The following NARF variants were observed in gnomAD, a reference collection of about 807,000 sequenced individuals.
The protein encoded by NARF is iron-only hydrogenase-like protein 2.
In NARF, 41 loss-of-function variants were observed where a neutral mutation model predicts 48.0. The observed-to-expected ratio is 0.85, with a 90% CI of 0.66 to 1.11. The LOEUF (loss-of-function observed/expected upper bound fraction) is 1.11. Ranked by LOEUF, NARF falls within the 50% of genes least tolerant of loss-of-function variation. NARF has a pLI of 0.00. For missense variants in NARF, 613 were observed against 590.2 expected (o/e 1.04, Z -0.40); for synonymous variants, 215 against 225.5 (o/e 0.95, Z 0.42).
At chr17:82,458,439 T>G, upstream of NARF, 1 of 234,180 alleles carries the variant, frequency 4.3e-6, no homozygotes, top group Non-Finnish European at 8.3e-6. Flanking sequence ...GAACGCCGCT[T>G]GGCCGCCGCC....
At chr17:82,472,887 C>G (rs1352698632) in intron 5 of NARF, among the ~76,000 whole-genome samples, 189 bp downstream of exon 5, 2 of 152,116 alleles carry the variant, frequency 1.3e-5, no homozygotes, top group Admixed American at 1.3e-4. Context: ...AGTTTTTCAT[C>G]AGAGGTGCCA....
intron 5 of NARF, among the ~76,000 whole-genome samples, chr17:82,475,559 C>T (rs773472660): frequency 5.9e-5 from 9 of 152,186 alleles, no homozygotes; most frequent in East Asian, 3.9e-4. Flanking sequence ...ATTGCACCAC[C>T]GCACTCCAGC....
In NARF at chr17:82,468,607, T is replaced by C. The variant is rs1176370197; in HGVS notation, c.253-157T>C. 1.4e-5 allele frequency: 10 copies of C among 696,234 alleles called. No homozygotes were observed. The Middle Eastern group carries it at 8.5e-4, about 59-fold the overall frequency. 43.1% of individuals were successfully genotyped at this position (696,234 alleles called of 1,614,324 possible). A position where few individuals can be genotyped will look rare whatever the true frequency, so the allele number is the denominator to read the frequency against. ...ACCTCACCATAATCCTGATTTTTTT[T>C]CTCCTTTTTCTTAATTATGTTTGCC... is the stretch of plus-strand genomic sequence containing the variant. On this transcript the variant is annotated intron_variant, in intron 3 of 10. Coordinates refer to ENST00000309794, the MANE Select transcript of NARF (RefSeq NM_012336.4).
intron 4 of NARF, among the ~76,000 whole-genome samples, chr17:82,471,061 G>A (rs1489344605): frequency 2.6e-5 from 4 of 151,856 alleles, no homozygotes; most frequent in Non-Finnish European, 5.9e-5. Context: ...TACTCGGGAG[G>A]CTGAGGCACA....
intron 3 of NARF, 31 bp downstream of exon 3, chr17:82,464,461 G>C: frequency 6.3e-7 from 1 of 1,592,520 alleles, no homozygotes; most frequent in East Asian, 2.2e-5. Flanking sequence ...GCTGATGCTG[G>C]GGAGCTGACC....
chr17:82,467,302 C>A (rs568690597), intron 3 of NARF, among the ~76,000 whole-genome samples: 26 of 152,282 alleles, frequency 1.7e-4, no homozygotes, highest in Admixed American at 5.2e-4. Context: ...CAGCCCCGGC[C>A]TCCCAAAGTG....
chr17:82,472,805 G>C (rs1254088544), intron 5 of NARF, 107 bp downstream of exon 5: 18 of 1,363,628 alleles, frequency 1.3e-5, no homozygotes, highest in Non-Finnish European at 1.7e-5. Context: ...ATCCCACCCA[G>C]CCTTGTAGAC....
intron 5 of NARF, 84 bp downstream of exon 5, chr17:82,472,782 G>A (rs2043743091): frequency 2.7e-6 from 4 of 1,506,796 alleles, no homozygotes; most frequent in Non-Finnish European, 2.7e-6. Context: ...TGAGGTTGGA[G>A]GCAGACAGAC....
At chr17:82,474,244 A>G (rs1301006558) in intron 5 of NARF, among the ~76,000 whole-genome samples, 2 of 152,202 alleles carry the variant, frequency 1.3e-5, no homozygotes, top group African/African-American at 4.8e-5. Flanking sequence ...ATTATGGAAT[A>G]ATATGGCAAA....
intron 5 of NARF, among the ~76,000 whole-genome samples, chr17:82,475,863 C>T (rs938202461): frequency 2.0e-5 from 3 of 152,148 alleles, no homozygotes; most frequent in African/African-American, 7.2e-5. Flanking sequence ...AAGGTTCCAT[C>T]CCAGTAGGAC....
chr17:82,480,432 TC>T, intron 6 of NARF: 1 of 402,168 alleles, frequency 2.5e-6, no homozygotes, highest in Non-Finnish European at 4.4e-6. Context: ...GGCTCAGCCT[TC>T]CCGGTTCTTC....
In NARF at chr17:82,490,401, A is replaced by G. The variant is rs1206637171; in HGVS notation, c.*2244A>G. 1 of 152,326 alleles carries G rather than the reference A, an allele frequency of 6.6e-6. No individual in the cohort carries two copies. Among genetic ancestry groups the G allele is most frequent in the Non-Finnish European group, 1.5e-5 (1 of 68,098 alleles). The allele number at this position is 152,326 out of a possible 1,614,324, so 9.4% of individuals were successfully genotyped here. On this transcript the variant is annotated 3_prime_UTR_variant, in exon 11 of 11. Coordinates refer to ENST00000309794, the MANE Select transcript of NARF (RefSeq NM_012336.4). ...TGCCTGTGCACCTGTCTTGTCAATA[A>G]CTGCATATATTGTGTTGCGTTGCCT...
upstream of NARF, chr17:82,458,326 C>T (rs2043335205): frequency 6.5e-6 from 1 of 154,326 alleles, no homozygotes; most frequent in African/African-American, 2.4e-5. Flanking sequence ...CCGCGGCCTC[C>T]GCGGGCCCAG....
At chr17:82,464,626 C>T (rs2043518726) in intron 3 of NARF, among the ~76,000 whole-genome samples, 196 bp downstream of exon 3, 1 of 152,194 alleles carries the variant, frequency 6.6e-6, no homozygotes. Flanking sequence ...TTTCCTGCTC[C>T]CTTAATAATG....
chr17:82,481,142 G>A lies in NARF; in HGVS notation c.700G>A (p.Glu234Lys), dbSNP rs1390806067. 3.1e-6 allele frequency: 5 copies of A among 1,613,954 alleles called. No homozygotes were observed. In the Admixed American group the frequency reaches 8.3e-5, roughly 27 times the overall value. The change falls in exon 7 of 11, where the codon GAG becomes AAG. Residue 234 changes from glutamate (E) to lysine (K), a missense_variant. By Grantham distance (56) the Glu-to-Lys change is moderately conservative. Coordinates refer to ENST00000309794, the MANE Select transcript of NARF (RefSeq NM_012336.4). ...IVAPCYDKKLEALQESLPPAL... is the reference protein window; with the variant it reads ...IVAPCYDKKLKALQESLPPAL... The stretch of plus-strand genomic sequence containing the variant: ...GGCCCCTTGTTATGACAAGAAGCTG[G>A]AGGCTCTTCAGGAAAGCCTTCCCCC...
rs142476209 is a variant in NARF, at chr17:82,463,735, G to A, written c.109-552G>A. 562 of 153,790 alleles carry A rather than the reference G, an allele frequency of 3.7e-3. 2 individuals are homozygous for A. The highest frequency in any genetic ancestry group is 5.9e-3 in the Non-Finnish European group (406 of 69,054). The allele number at this position is 153,790 out of a possible 1,614,324, so 9.5% of individuals were successfully genotyped here. ...GGCCAGTCAGGAAGGAGAGGGTGGA[G>A]GGGATCAAAGAGTGACTCTACATCC... On this transcript the variant is annotated intron_variant, in intron 2 of 10. Coordinates refer to ENST00000309794, the MANE Select transcript of NARF (RefSeq NM_012336.4).
At chr17:82,463,435 G>A (rs759703796) in intron 2 of NARF, 1 of 152,246 alleles carries the variant, frequency 6.6e-6, no homozygotes. Context: ...GGGAAGAGAC[G>A]GGTGAGGGGG....
rs772872776 is a variant in NARF at position 82,488,519 on chromosome 17, C to T, written c.*362C>T. 7.6e-5 allele frequency: 16 copies of T among 210,250 alleles called. No homozygotes were observed. The highest frequency in any genetic ancestry group is 1.2e-4 in the Non-Finnish European group (12 of 102,310). The allele number at this position is 210,250 out of a possible 1,614,324, so 13.0% of individuals were successfully genotyped here. On this transcript the variant is annotated 3_prime_UTR_variant, in exon 11 of 11. Transcript: ENST00000309794. Reference sequence around the variant, plus strand: ...GCCTCCCGAGTAGCTGGGACTAACGCGCACACCACCATGCCCAGCTAATTT... The same window carrying T: ...GCCTCCCGAGTAGCTGGGACTAACGTGCACACCACCATGCCCAGCTAATTT...
chr17:82,468,536 A>AT (rs1394639954), intron 3 of NARF: 7 of 495,732 alleles, frequency 1.4e-5, no homozygotes, highest in African/African-American at 1.4e-4. Flanking sequence ...CTCATGTTTC[A>AT]TTTTTTAAAT....
Sources: allele counts gnomAD v4.1 joint callset (sites outside exome capture counted in the v4.1 genomes callset), GRCh38; gene constraint gnomAD v4.1.1; transcripts MANE v1.5; gene names NCBI Gene and HGNC (gene_info 2026-07-23, HGNC 2026-07-21).